Variants in TOP1 observed in about 807,000 individuals in gnomAD.
TOP1 encodes the protein DNA topoisomerase I, also known as DNA topoisomerase 1.
A neutral mutation model predicts 111.1 loss-of-function variants in TOP1; 10 were observed. The observed-to-expected ratio is 0.09, with a 90% CI of 0.06 to 0.15. The LOEUF (loss-of-function observed/expected upper bound fraction) is 0.15, where lower values mean the gene tolerates loss of function less well. Ranked by LOEUF, TOP1 falls within the 10% of genes least tolerant of loss-of-function variation. TOP1 has a pLI of 1.00. For synonymous variants in TOP1, 271 were observed against 302.9 expected, an observed-to-expected ratio of 0.89 and a Z score of 1.10; for missense variants, 474 against 926.7, an observed-to-expected ratio of 0.51 and a Z score of 6.34.
Position 41,029,176 on chromosome 20 carries a change from C to G in TOP1, c.33+76C>G. Reference sequence around the variant, plus strand: ...GCGACCCCCGGCGCAGGCCCCGACCCCAGCCCCGGCCCGGCAGCTTTGACA... The same window carrying G: ...GCGACCCCCGGCGCAGGCCCCGACCGCAGCCCCGGCCCGGCAGCTTTGACA... On this transcript the variant is annotated intron_variant, in intron 1 of 20. Transcript: ENST00000361337. This position sits in a 1 kb window ranked among gnomAD's most constrained non-coding sequence, Gnocchi z 6.1. 2 of 1,173,618 alleles carry G rather than the reference C, an allele frequency of 1.7e-6. No individual in the cohort carries two copies. The highest frequency in any genetic ancestry group is 6.4e-5 in the East Asian group (2 of 31,436). 72.7% of individuals were successfully genotyped at this position (1,173,618 alleles called of 1,614,324 possible).
At position 41,106,136 on chromosome 20, in the gene TOP1, C is replaced by G. The variant is rs2034141986; in HGVS notation, c.1308+4783C>G. On this transcript the variant is annotated intron_variant, in intron 13 of 20. Coordinates refer to ENST00000361337, the MANE Select transcript of TOP1 (RefSeq NM_003286.4). This position sits in a 1 kb window ranked among gnomAD's most constrained non-coding sequence, Gnocchi z 4.3. ...TTTCCAAATGAGTAAACTGTTGTCA[C>G]AGAACTATTTAGTTGTATTACCTCC... Among the ~76,000 whole-genome samples the G allele has an allele frequency of 6.6e-6, 1 of 152,160 alleles. No homozygotes were observed. Among genetic ancestry groups the G allele is most frequent in the African/African-American group, 2.4e-5 (1 of 41,434 alleles).
intron 14 of TOP1, 150 bp downstream of exon 14, chr20:41,113,075 A>G: frequency 2.5e-6 from 2 of 797,684 alleles, no homozygotes; most frequent in Non-Finnish European, 3.9e-6. Flanking sequence ...GCACAAAACA[A>G]TGCTTAGCCT....
At chr20:41,049,262 CTTGGGCACT>C (rs1171165681) in intron 2 of TOP1, among the ~76,000 whole-genome samples, 1 of 152,202 alleles carries the variant, frequency 6.6e-6, no homozygotes, top group Non-Finnish European at 1.5e-5. Flanking sequence ...CTTCTGAACA[CTTGGGCACT>C]TTGGAAATTG....
chr20:41,092,933 A>G lies in TOP1; in HGVS notation c.730+346A>G, dbSNP rs1568694369. Among the ~76,000 whole-genome samples, 1 of 152,218 alleles carries G rather than the reference A, an allele frequency of 6.6e-6. No individual in the cohort carries two copies. Among genetic ancestry groups the G allele is most frequent in the Non-Finnish European group, 1.5e-5 (1 of 68,032 alleles). ...GAGTTATTAGAAAAGCCTCACTTGA[A>G]TGGTAGTATTTTATGTTAGCAATAT... On this transcript the variant is annotated intron_variant, in intron 9 of 20. Transcript: ENST00000361337. The surrounding 1 kb of genome is among the most constrained non-coding windows in gnomAD (Gnocchi z 4.3).
chr20:41,057,626 A>G (rs1392094524), intron 2 of TOP1, among the ~76,000 whole-genome samples: 2 of 152,242 alleles, frequency 1.3e-5, no homozygotes, highest in Non-Finnish European at 2.9e-5. Context: ...CAAAAACTCA[A>G]GTTACTCATA....
Position 41,049,086 on chromosome 20 carries a change from TTG to T in TOP1, c.59-12298_59-12297del, listed in dbSNP as rs551357609. On this transcript the variant is annotated intron_variant, in intron 2 of 20. Transcript: ENST00000361337. ...AACATTCTCTGATCATTTAACCCTT[TTG>T]TGTGTGTGTCAGTTTGAGGCGTAAA... Among the ~76,000 whole-genome samples, 4 of 152,206 alleles carry T rather than the reference TTG, an allele frequency of 2.6e-5. No homozygotes were observed. The South Asian group carries it at 8.3e-4, about 31-fold the overall frequency.
intron 2 of TOP1, among the ~76,000 whole-genome samples, chr20:41,040,649 A>G (rs894193591): frequency 3.3e-5 from 5 of 152,112 alleles, no homozygotes; most frequent in Admixed American, 6.6e-5. Context: ...TACTAAAAAT[A>G]CAAAAGATTA....
At chr20:41,035,507 T>C (rs568728114) in intron 2 of TOP1, among the ~76,000 whole-genome samples, 20 of 152,178 alleles carry the variant, frequency 1.3e-4, no homozygotes, top group Non-Finnish European at 2.8e-4. Context: ...GGACTTCAGA[T>C]CTCCTGTATT....
intron 14 of TOP1, 87 bp downstream of exon 14, chr20:41,113,012 G>A (rs982047882): frequency 7.4e-7 from 1 of 1,351,828 alleles, no homozygotes; most frequent in Non-Finnish European, 1.0e-6. Flanking sequence ...GCCACATACT[G>A]TATATCACAA....
At chr20:41,038,556 A>G (rs1473336147) in intron 2 of TOP1, among the ~76,000 whole-genome samples, 1 of 152,180 alleles carries the variant, frequency 6.6e-6, no homozygotes, top group Non-Finnish European at 1.5e-5. Context: ...GTATGATACT[A>G]TTGCTGTAAA....
rs1194342201 is a variant in TOP1, at chr20:41,101,482, A to G, written c.1308+129A>G. Reference sequence around the variant, plus strand: ...TCCTCCCCATTGAAAGAAGGCAAGTACTTTCATAGTTAGCATTATGGTGAT... The same window carrying G: ...TCCTCCCCATTGAAAGAAGGCAAGTGCTTTCATAGTTAGCATTATGGTGAT... On this transcript the variant is annotated intron_variant, in intron 13 of 20. Coordinates refer to ENST00000361337, the MANE Select transcript of TOP1 (RefSeq NM_003286.4). This position sits in a 1 kb window ranked among gnomAD's most constrained non-coding sequence, Gnocchi z 4.1. The G allele has an allele frequency of 5.0e-6, 5 of 994,452 alleles. No individual in the cohort carries two copies. The highest frequency in any genetic ancestry group is 2.8e-5 in the Admixed American group (1 of 35,174). 61.6% of individuals were successfully genotyped at this position (994,452 alleles called of 1,614,324 possible).
Position 41,115,996 on chromosome 20 carries a change from C to T in TOP1, c.1708-282C>T, listed in dbSNP as rs75939420. Among the ~76,000 whole-genome samples the T allele has an allele frequency of 0.066, 10,032 of 152,152 alleles. 362 individuals are homozygous for T. Among genetic ancestry groups the T allele is most frequent in the Middle Eastern group, 0.17 (50 of 294 alleles). On this transcript the variant is annotated intron_variant, in intron 16 of 20. Coordinates refer to ENST00000361337, the MANE Select transcript of TOP1 (RefSeq NM_003286.4). The surrounding 1 kb of genome is among the most constrained non-coding windows in gnomAD (Gnocchi z 6.3). ...GAGCCTCAGAAGGATTGCATGAGCC[C>T]GGGAGGTGGAGGCAGCAGTGAACCG...
In TOP1 at chr20:41,029,485, G is replaced by GC. The variant is rs760416959; in HGVS notation, c.58+36dup. The GC allele has an allele frequency of 1.9e-6, 3 of 1,547,082 alleles. No individual in the cohort carries two copies. The highest frequency in any genetic ancestry group is 1.2e-5 in the South Asian group (1 of 84,946). ...GTGTGCCCCCTGCGCCGACTCCGGG[G>GC]CCCCCCAGCCGCCGGCCGCCTCCCC... On this transcript the variant is annotated intron_variant, in intron 2 of 20. Coordinates refer to ENST00000361337, the MANE Select transcript of TOP1 (RefSeq NM_003286.4). This position sits in a 1 kb window ranked among gnomAD's most constrained non-coding sequence, Gnocchi z 6.1.
chr20:41,091,112 A>C (rs975366096), intron 8 of TOP1, among the ~76,000 whole-genome samples: 1 of 152,248 alleles, frequency 6.6e-6, no homozygotes, highest in Non-Finnish European at 1.5e-5. Flanking sequence ...TACCATTGTT[A>C]CAATATGGTT....
chr20:41,089,228 G>C (rs1362869765), intron 8 of TOP1, among the ~76,000 whole-genome samples: 1 of 151,998 alleles, frequency 6.6e-6, no homozygotes, highest in African/African-American at 2.4e-5. Flanking sequence ...GTTTCGCCAT[G>C]TTGGCCAGGC....
Position 41,098,307 on chromosome 20 carries a change from T to C in TOP1, c.945T>C (p.Ala315=). The part of the protein sequence containing the change: ...MSQYFKAQTE[A]RKQMSKEEKL... ...AGTATTTCAAAGCCCAGACGGAAGC[T>C]CGGAAACAGATGAGCAAGGAAGAGA... Residue 315 remains alanine (A), a synonymous_variant, in exon 11 of 21, where the codon GCT becomes GCC. Transcript: ENST00000361337. This position sits in a 1 kb window ranked among gnomAD's most constrained non-coding sequence, Gnocchi z 5.7. The C allele has an allele frequency of 6.2e-7, 1 of 1,614,020 alleles. No individual in the cohort carries two copies. The highest frequency in any genetic ancestry group is 1.1e-5 in the South Asian group (1 of 91,072).
rs2034369698 is a variant in TOP1 at position 41,118,505 on chromosome 20, T to G, written c.1950+209T>G. 6.6e-6 allele frequency among the ~76,000 whole-genome samples: 1 copy of G among 152,234 alleles called. No homozygotes were observed. The highest frequency in any genetic ancestry group is 2.1e-4 in the South Asian group (1 of 4,832). Reference sequence around the variant, plus strand: ...TCCATTATTCAAGAAATCTTTATTCTACGCATAGAAGTTCTATACTGGCCA... The same window carrying G: ...TCCATTATTCAAGAAATCTTTATTCGACGCATAGAAGTTCTATACTGGCCA... On this transcript the variant is annotated intron_variant, in intron 18 of 20. Transcript: ENST00000361337. This position sits in a 1 kb window ranked among gnomAD's most constrained non-coding sequence, Gnocchi z 4.6.
rs1467499157 is a variant in TOP1 at position 41,067,753 on chromosome 20, G to T, written c.155+6263G>T. 1.3e-5 allele frequency among the ~76,000 whole-genome samples: 2 copies of T among 152,188 alleles called. No individual in the cohort carries two copies. Among genetic ancestry groups the T allele is most frequent in the Non-Finnish European group, 2.9e-5 (2 of 68,036 alleles). On this transcript the variant is annotated intron_variant, in intron 3 of 20. Coordinates refer to ENST00000361337, the MANE Select transcript of TOP1 (RefSeq NM_003286.4). This position sits in a 1 kb window ranked among gnomAD's most constrained non-coding sequence, Gnocchi z 4.0. ...TATACTTAGGACCCAAGCCCAGGAG[G>T]CATTTACTGTCCTGTGCAGTAGCAA...
chr20:41,073,177 G>A (rs908628970), intron 3 of TOP1: 2 of 985,164 alleles, frequency 2.0e-6, no homozygotes, highest in African/African-American at 1.7e-5. Flanking sequence ...AGGGCTACAT[G>A]TACACTTGTA....
Sources: gnomAD v4.1 joint callset for allele counts (sites outside exome capture counted in the v4.1 genomes callset) on GRCh38, gnomAD v4.1.1 for gene constraint, Gnocchi (gnomAD v3.1) non-coding constraint, MANE v1.5 for transcripts, NCBI Gene and HGNC (gene_info 2026-07-23, HGNC 2026-07-21) for gene names.